FRYL: variants seen among roughly 807,000 people sequenced by gnomAD.
FRYL encodes protein furry homolog-like.
In FRYL, 150 loss-of-function variants were observed where a neutral mutation model predicts 351.2. That is an observed-to-expected ratio of 0.43 (90% CI 0.37 to 0.49). The LOEUF (loss-of-function observed/expected upper bound fraction) is 0.49. Among genes scored for constraint, FRYL ranks in the 20% least tolerant of loss-of-function variants. The pLI is 0.00. For synonymous variants in FRYL, 1,153 were observed against 1,257.1 expected, an observed-to-expected ratio of 0.92 and a Z score of 1.75; for missense variants, 3,036 against 3,619.3, an observed-to-expected ratio of 0.84 and a Z score of 4.13.
intron 36 of FRYL, among the ~76,000 whole-genome samples, chr4:48,552,629 A>T (rs184644473): frequency 6.6e-6 from 1 of 152,290 alleles, no homozygotes; most frequent in Non-Finnish European, 1.5e-5. Context: ...TACTTTAAAA[A>T]ATTATAATTA....
chr4:48,529,273 T>G (rs1726990587), intron 50 of FRYL, among the ~76,000 whole-genome samples: 1 of 152,226 alleles, frequency 6.6e-6, no homozygotes, highest in Admixed American at 6.5e-5. Flanking sequence ...GTAAACTGTT[T>G]ATGTGCCTGA....
At chr4:48,600,090 G>A (rs1745401790) in intron 13 of FRYL, among the ~76,000 whole-genome samples, 3 of 151,692 alleles carry the variant, frequency 2.0e-5, no homozygotes, top group Non-Finnish European at 4.4e-5. Flanking sequence ...CTGGGTGACA[G>A]AGCGAGACTT....
intron 3 of FRYL, among the ~76,000 whole-genome samples, chr4:48,656,237 T>C (rs1758943212): frequency 7.6e-6 from 1 of 132,182 alleles, no homozygotes. Flanking sequence ...AAAATTTGAA[T>C]ATATATTATG....
chr4:48,563,382 C>T (rs1735957753), intron 31 of FRYL, among the ~76,000 whole-genome samples: 1 of 151,818 alleles, frequency 6.6e-6, no homozygotes, highest in African/African-American at 2.4e-5. Context: ...TGCATTTGAG[C>T]TTAAGAAAAG....
intron 4 of FRYL, among the ~76,000 whole-genome samples, chr4:48,631,658 C>T (rs1481242082): frequency 1.3e-5 from 2 of 151,868 alleles, no homozygotes; most frequent in African/African-American, 2.4e-5. Context: ...TTAACTATAA[C>T]GTGATATCAT....
At chr4:48,587,483 T>C (rs1323921218) in intron 18 of FRYL, among the ~76,000 whole-genome samples, 1 of 152,152 alleles carries the variant, frequency 6.6e-6, no homozygotes, top group Non-Finnish European at 1.5e-5. Flanking sequence ...GTTGGCCTAA[T>C]AAAATAATCC....
At chr4:48,577,683 T>C (rs377105619) in intron 23 of FRYL, among the ~76,000 whole-genome samples, 1 of 152,214 alleles carries the variant, frequency 6.6e-6, no homozygotes, top group East Asian at 1.9e-4. Flanking sequence ...TCATAAATGG[T>C]ATGCAAGGTG....
intron 1 of FRYL, among the ~76,000 whole-genome samples, chr4:48,746,287 CT>C (rs539169781): frequency 4.1e-4 from 62 of 152,042 alleles, no homozygotes; most frequent in African/African-American, 1.4e-3. Flanking sequence ...AGGTCTGCAG[CT>C]GGGCACGGTG....
At position 48,552,160 on chromosome 4, in the gene FRYL, C is replaced by G. The variant is rs1009079184; in HGVS notation, c.4436-582G>C. Among the ~76,000 whole-genome samples, 4 of 152,046 alleles carry G rather than the reference C, an allele frequency of 2.6e-5. 1 individual carries two copies. Among genetic ancestry groups the G allele is most frequent in the African/African-American group, 4.8e-5 (2 of 41,390 alleles). On this transcript the variant is annotated intron_variant, in intron 36 of 63. Transcript: ENST00000358350. ...GCTAAAATTTGAGACTGCACCCCCC[C>G]CAACATCCTTCTTACCCCACTGGGC...
chr4:48,608,014 CAATTT>C (rs1333964520), intron 9 of FRYL, among the ~76,000 whole-genome samples: 2 of 152,082 alleles, frequency 1.3e-5, no homozygotes, highest in African/African-American at 2.4e-5. Context: ...GTTTTTGTGT[CAATTT>C]AATTCCATGC....
intron 7 of FRYL, among the ~76,000 whole-genome samples, chr4:48,615,319 T>C (rs886621391): frequency 1.3e-5 from 2 of 152,200 alleles, no homozygotes; most frequent in Non-Finnish European, 2.9e-5. Flanking sequence ...TCTAAAATGC[T>C]ATTAAGTCTG....
At chr4:48,575,067 T>C (rs200430838) in intron 25 of FRYL, 50 bp downstream of exon 25, 185 of 1,594,602 alleles carry the variant, frequency 1.2e-4, no homozygotes, top group Admixed American at 5.0e-5. Flanking sequence ...ACCTTCTAAG[T>C]AGCACATTTA....
At chr4:48,625,235 T>C (rs1459123012) in intron 4 of FRYL, among the ~76,000 whole-genome samples, 2 of 152,146 alleles carry the variant, frequency 1.3e-5, no homozygotes, top group Non-Finnish European at 2.9e-5. Flanking sequence ...AAACATAATT[T>C]CTAATTTAAT....
intron 22 of FRYL, among the ~76,000 whole-genome samples, chr4:48,579,946 T>C (rs987950655): frequency 2.0e-5 from 3 of 152,038 alleles, no homozygotes; most frequent in Non-Finnish European, 2.9e-5. Flanking sequence ...CATTATACAA[T>C]ATAGACATGT....
intron 3 of FRYL, among the ~76,000 whole-genome samples, chr4:48,671,873 C>CAAAAAAAAAAAAAAAAAAAA (rs71191252): frequency 4.6e-4 from 24 of 51,850 alleles, no homozygotes; most frequent in East Asian, 1.2e-3. Flanking sequence ...AAAAAAAAAA[C>CAAAAAAAAAAAAAAAAAAAA]AAAAAAAAAA....
chr4:48,551,689 G>C, intron 36 of FRYL, 111 bp from the exon 37 acceptor site: 1 of 666,860 alleles, frequency 1.5e-6, no homozygotes. Flanking sequence ...TGAGAGCAAA[G>C]TCATTTAAAA....
chr4:48,653,813 C>CAGCAGCAGCAGCAGAAGCAGA (rs1758207999), intron 3 of FRYL: 1 of 325,330 alleles, frequency 3.1e-6, no homozygotes, highest in African/African-American at 9.5e-5. Flanking sequence ...GCAAAAGCAG[C>CAGCAGCAGCAGCAGAAGCAGA]AGCAGCAGCA....
At chr4:48,760,999 T>C (rs1774350238) in intron 1 of FRYL, among the ~76,000 whole-genome samples, 1 of 125,076 alleles carries the variant, frequency 8.0e-6, no homozygotes, top group African/African-American at 3.1e-5. Context: ...TCTCTATTAT[T>C]ACTCTGTCTG....
At chr4:48,708,982 C>T (rs1387248023) in intron 2 of FRYL, among the ~76,000 whole-genome samples, 5 of 147,270 alleles carry the variant, frequency 3.4e-5, no homozygotes, top group South Asian at 2.1e-4. Context: ...GATGCGGTGG[C>T]GCGATCTCGG....
Sources: gnomAD v4.1 joint callset for allele counts (sites outside exome capture counted in the v4.1 genomes callset) on GRCh38, gnomAD v4.1.1 for gene constraint, MANE v1.5 for transcripts, NCBI Gene and HGNC (gene_info 2026-07-23, HGNC 2026-07-21) for gene names.